Variants in SHOC2 observed in about 807,000 individuals in gnomAD.
SHOC2 encodes leucine-rich repeat protein SHOC-2.
SHOC2 carries 4 observed loss-of-function variants against 50.2 expected under a neutral mutation model. The ratio of observed to expected loss-of-function variants is 0.08; its 90% confidence interval spans 0.04 to 0.18. The LOEUF is 0.18. SHOC2 is among the 10% of genes least tolerant of loss of function. SHOC2 has a pLI of 1.00. For missense variants in SHOC2, 388 were observed against 669.6 expected (o/e 0.58, Z 4.64); for synonymous variants, 218 against 244.5 (o/e 0.89, Z 1.01).
intron 4 of SHOC2, among the ~76,000 whole-genome samples, chr10:111,002,968 A>G (rs904838837): frequency 2.6e-5 from 4 of 152,222 alleles, no homozygotes; most frequent in Admixed American, 6.5e-5. Flanking sequence ...GAGGCTCAGT[A>G]AAACTCCTTT....
At position 111,004,677 on chromosome 10, in the gene SHOC2, G is replaced by GGGT; in HGVS notation, c.1048_1050dup (p.Gly350dup). 1.2e-6 allele frequency: 2 copies of GGGT among 1,612,654 alleles called. No homozygotes were observed. The highest frequency in any genetic ancestry group is 1.7e-6 in the Non-Finnish European group (2 of 1,178,766). ...GAAATTGCTTCCAGTTGTATCCAGT[G>GGGT]GGTGGTCCATCTCAGTTTTCTACCA... On this transcript the variant is annotated inframe_insertion, in exon 5 of 9. Transcript: ENST00000369452.
At chr10:110,971,800 A>G (rs1419619174) in intron 2 of SHOC2, among the ~76,000 whole-genome samples, 8 of 152,182 alleles carry the variant, frequency 5.3e-5, no homozygotes, top group Non-Finnish European at 8.8e-5. Flanking sequence ...AAAATTACCT[A>G]TTTGACTCAT....
chr10:110,980,752 A>C (rs1445540296), intron 2 of SHOC2, among the ~76,000 whole-genome samples: 4 of 149,526 alleles, frequency 2.7e-5, no homozygotes, highest in African/African-American at 9.8e-5. Context: ...CTTATTGCTT[A>C]TTTTCCCTCC....
intron 2 of SHOC2, among the ~76,000 whole-genome samples, chr10:110,969,712 C>T (rs909355513): frequency 2.0e-5 from 3 of 151,734 alleles, no homozygotes; most frequent in Non-Finnish European, 4.4e-5. Context: ...TGTGTTTTAC[C>T]TACATTGTAG....
intron 1 of SHOC2, among the ~76,000 whole-genome samples, chr10:110,947,604 C>G (rs1000935339): frequency 1.3e-5 from 2 of 151,992 alleles, no homozygotes; most frequent in Non-Finnish European, 2.9e-5. Context: ...ATAATGTAAA[C>G]TTGGAGAGGG....
At chr10:110,950,904 A>G (rs1453522408) in intron 1 of SHOC2, among the ~76,000 whole-genome samples, 1 of 152,240 alleles carries the variant, frequency 6.6e-6, no homozygotes, top group Non-Finnish European at 1.5e-5. Flanking sequence ...AAAATAGATT[A>G]AAGACTTAAA....
At chr10:110,966,819 C>T (rs978978931) in intron 2 of SHOC2, among the ~76,000 whole-genome samples, 1 of 152,104 alleles carries the variant, frequency 6.6e-6, no homozygotes, top group Non-Finnish European at 1.5e-5. Context: ...AGTGACATTA[C>T]TGAAGTTTGT....
At chr10:110,994,539 A>G (rs1385979158) in intron 3 of SHOC2, among the ~76,000 whole-genome samples, 3 of 152,228 alleles carry the variant, frequency 2.0e-5, no homozygotes, top group Non-Finnish European at 4.4e-5. Context: ...AATGGTACAC[A>G]TGACATGAAA....
chr10:110,921,973 T>A (rs554228358), intron 1 of SHOC2, among the ~76,000 whole-genome samples: 12 of 152,226 alleles, frequency 7.9e-5, no homozygotes, highest in Admixed American at 7.8e-4. Flanking sequence ...TAGATCTTTT[T>A]TTTTTAGTTT....
intron 1 of SHOC2, among the ~76,000 whole-genome samples, chr10:110,955,352 A>G (rs1847439634): frequency 6.6e-6 from 1 of 152,200 alleles, no homozygotes; most frequent in Non-Finnish European, 1.5e-5. Flanking sequence ...AGGAATAGGA[A>G]TAACTCTTAA....
rs1392683472 is a variant in SHOC2 at position 110,964,386 on chromosome 10, G to A, written c.28G>A (p.Asp10Asn). ...GAGTAGTAGTTTAGGAAAAGAAAAA[G>A]ACTCTAAAGAAAAAGATCCCAAAGT... MSSSLGKEK[D>N]SKEKDPKVPS... is the part of the protein sequence containing the mutation. Residue 10 changes from aspartate to asparagine, a missense_variant, in exon 2 of 9, where the codon GAC becomes AAC. Coordinates refer to ENST00000369452, the MANE Select transcript of SHOC2 (RefSeq NM_007373.4). This position sits in a 1 kb window ranked among gnomAD's most constrained non-coding sequence, Gnocchi z 4.9. The A allele has an allele frequency of 3.7e-6, 6 of 1,613,098 alleles. No homozygotes were observed. Among genetic ancestry groups the A allele is most frequent in the Non-Finnish European group, 4.2e-6 (5 of 1,179,772 alleles).
intron 5 of SHOC2, among the ~76,000 whole-genome samples, chr10:111,006,561 G>A (rs1352359687): frequency 2.0e-5 from 3 of 152,134 alleles, no homozygotes; most frequent in African/African-American, 4.8e-5. Context: ...TAGTAGAGAC[G>A]GGGTTTCACC....
Position 110,957,069 on chromosome 10 carries a change from A to G in SHOC2, c.-234-7056A>G, listed in dbSNP as rs1330568684. ...CCCTAAGGCAACATTAACTTAATAG[A>G]TATTTTCTTCCTGTAATTTGCTGAT... On this transcript the variant is annotated intron_variant, in intron 1 of 8. Coordinates refer to ENST00000369452, the MANE Select transcript of SHOC2 (RefSeq NM_007373.4). 2.0e-5 allele frequency among the ~76,000 whole-genome samples: 3 copies of G among 152,190 alleles called. 1 individual carries two copies. Among genetic ancestry groups the G allele is most frequent in the African/African-American group, 7.2e-5 (3 of 41,434 alleles).
intron 1 of SHOC2, among the ~76,000 whole-genome samples, 192 bp downstream of exon 1, chr10:110,919,849 G>T (rs1846578366): frequency 6.6e-6 from 1 of 151,242 alleles, no homozygotes; most frequent in Admixed American, 6.6e-5. Context: ...CCGCTTTCCT[G>T]GTTGCTGTCT....
intron 1 of SHOC2, among the ~76,000 whole-genome samples, chr10:110,937,574 GA>G (rs530552134): frequency 3.3e-5 from 5 of 152,090 alleles, no homozygotes; most frequent in Admixed American, 6.5e-5. Flanking sequence ...GTTGTTTTCA[GA>G]TATTTTTAAG....
chr10:110,920,527 C>G (rs1016331310), intron 1 of SHOC2, among the ~76,000 whole-genome samples: 1 of 151,848 alleles, frequency 6.6e-6, no homozygotes, highest in Non-Finnish European at 1.5e-5. Flanking sequence ...TATTTCTTTT[C>G]TTTCTTTTTC....
chr10:111,009,519 TG>T (rs1432415326), intron 7 of SHOC2, 134 bp downstream of exon 7: 1 of 876,320 alleles, frequency 1.1e-6, no homozygotes, highest in Non-Finnish European at 1.8e-6. Context: ...CTGAGTTTTA[TG>T]TTCATATAAC....
chr10:110,973,477 T>A (rs192722088), intron 2 of SHOC2, among the ~76,000 whole-genome samples: 2 of 152,266 alleles, frequency 1.3e-5, no homozygotes, highest in Admixed American at 1.3e-4. Context: ...ATCATAGATA[T>A]TGATCTGTAA....
rs111269195 is a variant in SHOC2, at chr10:110,936,271, A to AT, written c.-235+16626dup. 6.8e-3 allele frequency among the ~76,000 whole-genome samples: 969 copies of AT among 141,460 alleles called. 7 individuals carry two copies. Among genetic ancestry groups the AT allele is most frequent in the Middle Eastern group, 0.015 (4 of 274 alleles). The allele number at this position is 141,460 out of a possible 152,430, so 92.8% of individuals were successfully genotyped here. On this transcript the variant is annotated intron_variant, in intron 1 of 8. Transcript: ENST00000369452. ...TCCACCCTGCCCGGCTAATTTTTGT[A>AT]TTTTTTTTTTTTAGTTGAGACGGGG...
Sources: gnomAD v4.1 joint callset for allele counts (sites outside exome capture counted in the v4.1 genomes callset) on GRCh38, gnomAD v4.1.1 for gene constraint, Gnocchi (gnomAD v3.1) non-coding constraint, MANE v1.5 for transcripts, NCBI Gene and HGNC (gene_info 2026-07-23, HGNC 2026-07-21) for gene names.